Variants in ITPR2 observed in about 807,000 individuals in gnomAD.
ITPR2 encodes inositol 1,4,5-trisphosphate receptor type 2, also known as inositol 1,4,5-trisphosphate-gated calcium channel ITPR2.
Under a neutral mutation model 317.1 loss-of-function variants are expected in ITPR2, and 207 were observed. The ratio of observed to expected loss-of-function variants is 0.65; its 90% CI spans 0.58 to 0.73. ITPR2 has a LOEUF of 0.73. Among genes scored for constraint, ITPR2 ranks in the 30% least tolerant of loss-of-function variants. The pLI, the probability that ITPR2 is intolerant of heterozygous loss-of-function variation, is 0.00. For missense variants in ITPR2, 2,613 were observed against 3,284.0 expected (o/e 0.80, Z 4.99); for synonymous variants, 1,156 against 1,149.1 (o/e 1.01, Z -0.12).
intron 55 of ITPR2, among the ~76,000 whole-genome samples, chr12:26,363,625 C>A (rs1938912967): frequency 1.3e-5 from 2 of 152,098 alleles, no homozygotes; most frequent in Admixed American, 1.3e-4. Context: ...GCACTGATAC[C>A]ATTTTCGTGA....
rs1202499006 is a variant in ITPR2 at position 26,578,921 on chromosome 12, C to CAAAAT, written c.4510-93_4510-89dup. The CAAAAT allele has an allele frequency of 3.1e-6, 4 of 1,289,030 alleles. No individual in the cohort carries two copies. In the South Asian group the frequency reaches 6.7e-5, roughly 21 times the overall value. The allele number at this position is 1,289,030 out of a possible 1,614,324, so 79.8% of individuals were successfully genotyped here. On this transcript the variant is annotated intron_variant, in intron 33 of 56. Coordinates refer to ENST00000381340, the MANE Select transcript of ITPR2 (RefSeq NM_002223.4). ...TCTATGCATTCTCAGAAAGGTTCAT[C>CAAAAT]AAAATAAAATAAAATACAATCTTTC...
intron 15 of ITPR2, among the ~76,000 whole-genome samples, chr12:26,661,837 CT>C (rs1433891637): frequency 1.3e-5 from 2 of 152,158 alleles, no homozygotes; most frequent in African/African-American, 4.8e-5. Context: ...GGAGCATCCC[CT>C]AACACTGCCT....
chr12:26,367,321 A>G (rs533596859), intron 55 of ITPR2, among the ~76,000 whole-genome samples: 2 of 152,336 alleles, frequency 1.3e-5, no homozygotes, highest in South Asian at 4.1e-4. Context: ...ATACTGCATG[A>G]AACAAGCATT....
At chr12:26,754,301 A>G (rs1318822757) in intron 2 of ITPR2, among the ~76,000 whole-genome samples, 1 of 152,170 alleles carries the variant, frequency 6.6e-6, no homozygotes, top group Non-Finnish European at 1.5e-5. Context: ...TGTTCAATTG[A>G]TTTTGGAGCA....
At chr12:26,737,093 C>T (rs1949134263) in intron 2 of ITPR2, among the ~76,000 whole-genome samples, 1 of 152,022 alleles carries the variant, frequency 6.6e-6, no homozygotes, top group South Asian at 2.1e-4. Flanking sequence ...GGAAACTCGC[C>T]AGCAATTGGA....
At chr12:26,818,445 A>G (rs1950893799) in intron 1 of ITPR2, among the ~76,000 whole-genome samples, 1 of 152,242 alleles carries the variant, frequency 6.6e-6, no homozygotes, top group Admixed American at 6.5e-5. Flanking sequence ...TGTACTGACC[A>G]GGAAAGGAGG....
At position 26,686,570 on chromosome 12, in the gene ITPR2, A is replaced by G. The variant is rs563384290; in HGVS notation, c.1059T>C (p.Thr353=). The change falls in exon 11 of 57, where the codon ACT becomes ACC. Residue 353 remains threonine (T), a synonymous_variant. Coordinates refer to ENST00000381340, the MANE Select transcript of ITPR2 (RefSeq NM_002223.4). ...CATTGCCATGCGGGACTGAAACCAA[A>G]GTATACATGATCTTCTCCCCTGCCT... The part of the protein sequence containing the change: ...KRQAGEKIMY[T]LVSVPHGNDI... The G allele has an allele frequency of 1.2e-4, 189 of 1,613,008 alleles. 1 individual carries two copies. The South Asian group carries it at 2.0e-3, about 17-fold the overall frequency.
intron 22 of ITPR2, chr12:26,630,637 AGAGT>A (rs1036305414): frequency 6.6e-6 from 1 of 152,292 alleles, no homozygotes; most frequent in Non-Finnish European, 1.5e-5. Flanking sequence ...ATAGAAAATC[AGAGT>A]GAATAGCGGT....
chr12:26,669,905 A>T (rs4500564), intron 13 of ITPR2, among the ~76,000 whole-genome samples: 1 of 152,206 alleles, frequency 6.6e-6, no homozygotes, highest in Non-Finnish European at 1.5e-5. Flanking sequence ...CATCCCACAC[A>T]TGGCTGGGAG....
At chr12:26,746,453 A>G (rs1479785293) in intron 2 of ITPR2, among the ~76,000 whole-genome samples, 1 of 152,186 alleles carries the variant, frequency 6.6e-6, no homozygotes, top group African/African-American at 2.4e-5. Flanking sequence ...TTGCCACTCT[A>G]AAACATGTAA....
intron 2 of ITPR2, among the ~76,000 whole-genome samples, chr12:26,738,731 T>C (rs1949174412): frequency 6.6e-6 from 1 of 152,122 alleles, no homozygotes; most frequent in Non-Finnish European, 1.5e-5. Context: ...TCACTCTCTC[T>C]CCAATATTTC....
intron 35 of ITPR2, among the ~76,000 whole-genome samples, chr12:26,561,168 A>T (rs1289115778): frequency 1.3e-5 from 2 of 152,188 alleles, no homozygotes; most frequent in African/African-American, 4.8e-5. Context: ...GCCTATGAGG[A>T]CACAGCAGGA....
At chr12:26,622,504 T>A in intron 24 of ITPR2, 99 bp from the exon 25 acceptor site, 1 of 926,438 alleles carries the variant, frequency 1.1e-6, no homozygotes, top group African/African-American at 1.7e-5. Context: ...ATATCATTTG[T>A]TTTACCAAAT....
intron 55 of ITPR2, among the ~76,000 whole-genome samples, chr12:26,352,563 G>A (rs137863449): frequency 1.4e-4 from 21 of 152,310 alleles, no homozygotes; most frequent in African/African-American, 3.1e-4. Context: ...GGGCACTGAC[G>A]GTGGCTTCAG....
chr12:26,595,467 T>C lies in ITPR2; in HGVS notation c.4378A>G (p.Arg1460Gly), dbSNP rs1427199939. 1 of 1,606,648 alleles carries C rather than the reference T, an allele frequency of 6.2e-7. No individual in the cohort carries two copies. Among genetic ancestry groups the C allele is most frequent in the East Asian group, 2.2e-5 (1 of 44,660 alleles). Reference protein sequence around the residue: ...LFENFLVDMARVCNTTTDRKH... With the variant: ...LFENFLVDMAGVCNTTTDRKH... ...TCAGTAGTCAAAATCTAACTTACCC[T>C]TGCCATATCCACCAAGAAGTTCTCA... Residue 1460 changes from arginine to glycine, a missense_variant and splice_region_variant, in exon 32 of 57, where the codon AGG becomes GGG. By Grantham distance (125) the Arg-to-Gly change is moderately radical. Transcript: ENST00000381340.
chr12:26,657,747 C>A lies in ITPR2; in HGVS notation c.2152G>T (p.Glu718Ter), dbSNP rs750222316. The A allele has an allele frequency of 1.9e-6, 3 of 1,614,178 alleles. No individual in the cohort carries two copies. The highest frequency in any genetic ancestry group is 2.2e-5 in the South Asian group (2 of 91,082). Residue 718 changes from glutamate to a stop codon, truncating the protein, a stop_gained, in exon 18 of 57, where the codon GAA becomes TAA. Transcript: ENST00000381340. LOFTEE classifies it high-confidence loss of function. ...ACTTCTAAGTCAGCTTTGGTGCCTT[C>A]TTTTGCCTCTTGAGCAAGGTGCCTG... ...AIRHLAQEAKEGTKADLEVLT... is the reference protein window; with the variant it reads ...AIRHLAQEAK
chr12:26,383,639 A>G (rs939108795), intron 55 of ITPR2, among the ~76,000 whole-genome samples: 9 of 144,538 alleles, frequency 6.2e-5, no homozygotes, highest in Non-Finnish European at 1.3e-4. Context: ...GCCCACCACC[A>G]CGCCTGGCTA....
Position 26,621,249 on chromosome 12 carries a change from G to A in ITPR2, c.3336C>T (p.Ile1112=). 6.2e-7 allele frequency: 1 copy of A among 1,613,466 alleles called. No homozygotes were observed. The change falls in exon 26 of 57, where the codon ATC becomes ATT. Residue 1112 remains isoleucine, a synonymous_variant. Transcript: ENST00000381340. ...GTCGAAGCTGGTCTAGATCTGCCTTGATTTGCTTGTAGTTATCTACGTCTT... is the reference window on the plus strand; with the variant it reads ...GTCGAAGCTGGTCTAGATCTGCCTTAATTTGCTTGTAGTTATCTACGTCTT... ...SNQDVDNYKQ[I]KADLDQLRLT...
intron 55 of ITPR2, chr12:26,373,734 C>T (rs1591971909): frequency 6.6e-6 from 1 of 152,126 alleles, no homozygotes; most frequent in South Asian, 2.1e-4. Context: ...GGACACAGAC[C>T]AGAATATTAT....
Sources: allele counts gnomAD v4.1 joint callset (sites outside exome capture counted in the v4.1 genomes callset), GRCh38; gene constraint gnomAD v4.1.1; transcripts MANE v1.5; gene names NCBI Gene and HGNC (gene_info 2026-07-23, HGNC 2026-07-21).